Variants in ENDOV observed in about 807,000 individuals in gnomAD.
ENDOV encodes the protein endonuclease V.
ENDOV carries 37 observed loss-of-function variants against 39.4 expected under a neutral mutation model. The ratio of observed to expected loss-of-function variants is 0.94; its 90% CI spans 0.72 to 1.23. The LOEUF is 1.23. ENDOV is among the 50% of genes most tolerant of loss of function. The pLI is 0.00. For missense variants in ENDOV, 441 were observed against 375.7 expected (o/e 1.17, Z -1.44); for synonymous variants, 186 against 163.4 (o/e 1.14, Z -1.05).
intron 4 of ENDOV, 95 bp from the exon 5 acceptor site, chr17:80,423,425 C>A: frequency 8.1e-7 from 1 of 1,233,552 alleles, no homozygotes; most frequent in Non-Finnish European, 1.1e-6. Flanking sequence ...CCTCTGCTCA[C>A]TTAGGGAAGC....
At chr17:80,416,715 CCTTCCTT>C (rs2081248197) in intron 2 of ENDOV, among the ~76,000 whole-genome samples, 1 of 118,866 alleles carries the variant, frequency 8.4e-6, no homozygotes, top group African/African-American at 3.2e-5. Flanking sequence ...TCCCTCCCTT[CCTTCCTT>C]CCTTCCTTCC....
chr17:80,424,364 A>AAAGCAGGAGAG, intron 5 of ENDOV: 1 of 400,094 alleles, frequency 2.5e-6, no homozygotes, highest in Non-Finnish European at 4.4e-6. Flanking sequence ...AGATGTGCCC[A>AAAGCAGGAGAG]AAGCAGGAGA....
At chr17:80,420,375 C>G (rs1045893694) in intron 2 of ENDOV, 1 of 152,224 alleles carries the variant, frequency 6.6e-6, no homozygotes, top group African/African-American at 2.4e-5. Context: ...AGTGATCCAG[C>G]CTGCTGGCTT....
At chr17:80,424,868 T>C (rs2082486671) in intron 5 of ENDOV, among the ~76,000 whole-genome samples, 164 bp from the exon 6 acceptor site, 2 of 152,096 alleles carry the variant, frequency 1.3e-5, no homozygotes, top group South Asian at 4.1e-4. Flanking sequence ...GGTGGGAGAA[T>C]CGCTTGAACA....
At position 80,422,707 on chromosome 17, in the gene ENDOV, C is replaced by CT. The variant is rs879874965; in HGVS notation, c.403+472dup. On this transcript the variant is annotated intron_variant, in intron 4 of 9. Coordinates refer to ENST00000518137, the MANE Select transcript of ENDOV (RefSeq NM_173627.5). The stretch of plus-strand genomic sequence containing the variant: ...GGAGCGTGGCTGAGGGAGATGGGCT[C>CT]TTTTTTTTTTGAGACGGAGTCTCGC... 4.0e-3 allele frequency among the ~76,000 whole-genome samples: 601 copies of CT among 149,674 alleles called. 3 individuals carry two copies. Among genetic ancestry groups the CT allele is most frequent in the Non-Finnish European group, 6.4e-3 (433 of 67,150 alleles).
At chr17:80,430,121 C>T in intron 9 of ENDOV, 5 of 1,530,294 alleles carry the variant, frequency 3.3e-6, no homozygotes, top group Non-Finnish European at 3.5e-6. Context: ...CCAGGTGGGG[C>T]AGAGGTGACC....
intron 9 of ENDOV, among the ~76,000 whole-genome samples, chr17:80,434,295 A>C (rs1228077056): frequency 6.6e-6 from 1 of 152,182 alleles, no homozygotes; most frequent in Non-Finnish European, 1.5e-5. Flanking sequence ...ATTCTTCTTT[A>C]TGGCTGAGTC....
intron 2 of ENDOV, chr17:80,417,446 C>T: frequency 6.6e-6 from 1 of 152,232 alleles, no homozygotes; most frequent in Non-Finnish European, 1.5e-5. Context: ...TAATAGAATA[C>T]CTTAGACTGG....
chr17:80,422,293 G>T (rs549301436), intron 4 of ENDOV, 48 bp downstream of exon 4: 21 of 1,604,144 alleles, frequency 1.3e-5, no homozygotes, highest in East Asian at 2.2e-5. Flanking sequence ...GGGAAGAGCG[G>T]GGGGAGAGGG....
intron 9 of ENDOV, among the ~76,000 whole-genome samples, chr17:80,430,888 T>A (rs1420072707): frequency 1.3e-5 from 2 of 152,166 alleles, no homozygotes; most frequent in East Asian, 3.9e-4. Context: ...CCACTTCATC[T>A]TCTCTTGGTG....
In ENDOV at chr17:80,421,910, T is replaced by G. The variant is rs2082088787; in HGVS notation, c.311T>G (p.Leu104Trp). Residue 104 changes from leucine (L) to tryptophan (W), a missense_variant, in exon 3 of 10, where the codon TTG becomes TGG. Leu to Trp is a moderately conservative substitution (Grantham distance 61). Transcript: ENST00000518137. ...GFLAFREVPFLLELVQQLREK... is the reference protein window; with the variant it reads ...GFLAFREVPFWLELVQQLREK... Reference sequence around the variant, plus strand: ...CTGGCCTTCCGAGAGGTGCCCTTCTTGCTGGAGCTGGTGCAGCAGCTGCGG... The same window carrying G: ...CTGGCCTTCCGAGAGGTGCCCTTCTGGCTGGAGCTGGTGCAGCAGCTGCGG... 2 of 1,611,246 alleles carry G rather than the reference T, an allele frequency of 1.2e-6. No homozygotes were observed. Among genetic ancestry groups the G allele is most frequent in the Middle Eastern group, 1.7e-4 (1 of 6,018 alleles).
chr17:80,416,023 A>C (rs1161827711), intron 2 of ENDOV: 1 of 563,786 alleles, frequency 1.8e-6, no homozygotes, highest in Admixed American at 3.7e-5. Context: ...GAATCACCTG[A>C]GGTCGGGAGT....
At chr17:80,422,064 A>C in intron 3 of ENDOV, 102 bp downstream of exon 3, 1 of 1,561,254 alleles carries the variant, frequency 6.4e-7, no homozygotes, top group Non-Finnish European at 8.7e-7. Flanking sequence ...GGAGAGACTC[A>C]TGAGCTTCCT....
chr17:80,425,115 C>T lies in ENDOV; in HGVS notation c.585+15C>T, dbSNP rs1417234574. On this transcript the variant is annotated intron_variant, in intron 6 of 9. Coordinates refer to ENST00000518137, the MANE Select transcript of ENDOV (RefSeq NM_173627.5). ...TCCTGGGAATGGTGAGTAGCTAGGGCCCTGAGCTCCTCCAAAGCCCCGGGG... is the reference window on the plus strand; with the variant it reads ...TCCTGGGAATGGTGAGTAGCTAGGGTCCTGAGCTCCTCCAAAGCCCCGGGG... The T allele has an allele frequency of 1.9e-6, 3 of 1,600,108 alleles. No homozygotes were observed. The African/African-American group carries it at 4.0e-5, about 21-fold the overall frequency.
chr17:80,425,753 C>T, intron 7 of ENDOV, 133 bp downstream of exon 7: 1 of 1,374,972 alleles, frequency 7.3e-7, no homozygotes, highest in South Asian at 1.3e-5. Flanking sequence ...GGGCCGAGGA[C>T]AGGTCACAGA....
At chr17:80,415,360 G>A (rs891431855) in intron 1 of ENDOV, 110 bp downstream of exon 1, 11 of 1,340,648 alleles carry the variant, frequency 8.2e-6, no homozygotes, top group African/African-American at 4.4e-5. Flanking sequence ...GCCACCGCCC[G>A]AGACTCCAAA....
chr17:80,419,334 G>A (rs2081639074), intron 2 of ENDOV: 1 of 475,394 alleles, frequency 2.1e-6, no homozygotes, highest in East Asian at 3.3e-5. Context: ...CCACCGTGAA[G>A]AACACTGTCC....
chr17:80,429,645 C>T (rs1039383051), intron 8 of ENDOV, 128 bp from the exon 9 acceptor site: 6 of 871,902 alleles, frequency 6.9e-6, no homozygotes, highest in Non-Finnish European at 1.1e-5. Flanking sequence ...GCCCTGCCCT[C>T]TGCCCTGGGC....
At chr17:80,423,912 C>T in intron 5 of ENDOV, 1 of 472,466 alleles carries the variant, frequency 2.1e-6, no homozygotes, top group Non-Finnish European at 3.7e-6. Context: ...AGGGCTAAGT[C>T]CTCCAGTTAC....
Sources: gnomAD v4.1 joint callset for allele counts (sites outside exome capture counted in the v4.1 genomes callset) on GRCh38, gnomAD v4.1.1 for gene constraint, MANE v1.5 for transcripts, NCBI Gene and HGNC (gene_info 2026-07-23, HGNC 2026-07-21) for gene names.